RPH3A: variants seen among roughly 807,000 people sequenced by gnomAD.
RPH3A encodes rabphilin 3A, also known as rabphilin-3A.
RPH3A carries 48 observed loss-of-function variants against 102.2 expected under a neutral mutation model. The observed-to-expected ratio is 0.47, with a 90% CI of 0.37 to 0.60. The LOEUF is 0.60. RPH3A is among the 20% of genes least tolerant of loss of function. The probability of loss-of-function intolerance (pLI) is 0.00; values close to 1 mark genes in which losing one functional copy is unlikely to be tolerated. For missense variants in RPH3A, 781 were observed against 910.1 expected (o/e 0.86, Z 1.83); for synonymous variants, 310 against 324.3 (o/e 0.96, Z 0.47).
chr12:112,841,433 G>A (rs2042142510), intron 4 of RPH3A, among the ~76,000 whole-genome samples: 1 of 152,106 alleles, frequency 6.6e-6, no homozygotes, highest in Admixed American at 6.6e-5. Context: ...CCTGGAGTCG[G>A]CTTTGCTACT....
At chr12:112,663,948 A>C (rs2040067576) in intron 1 of RPH3A, among the ~76,000 whole-genome samples, 1 of 152,194 alleles carries the variant, frequency 6.6e-6, no homozygotes, top group Non-Finnish European at 1.5e-5. Context: ...GAAGGATGGC[A>C]GACTCTGATT....
intron 1 of RPH3A, among the ~76,000 whole-genome samples, chr12:112,785,983 T>C (rs1325277299): frequency 6.6e-6 from 1 of 151,728 alleles, no homozygotes; most frequent in African/African-American, 2.4e-5. Flanking sequence ...TGCTATTCAT[T>C]AGCTCAGTGA....
At chr12:112,636,899 G>T (rs556632868) in intron 1 of RPH3A, among the ~76,000 whole-genome samples, 10 of 152,114 alleles carry the variant, frequency 6.6e-5, no homozygotes, top group Non-Finnish European at 1.2e-4. Flanking sequence ...TCTGTATAGA[G>T]CTTACTGCCA....
At chr12:112,610,777 G>T (rs1028872356) in intron 1 of RPH3A, among the ~76,000 whole-genome samples, 18 of 151,908 alleles carry the variant, frequency 1.2e-4, no homozygotes, top group Non-Finnish European at 2.1e-4. Flanking sequence ...GACTACAGGC[G>T]CCTGCCGCCA....
intron 3 of RPH3A, among the ~76,000 whole-genome samples, chr12:112,831,253 A>G (rs2041965961): frequency 6.6e-6 from 1 of 151,250 alleles, no homozygotes; most frequent in Non-Finnish European, 1.5e-5. Flanking sequence ...CTTGTCTTTT[A>G]TTTTTATTAA....
rs144103946 is a variant in RPH3A at position 112,795,947 on chromosome 12, A to G, written c.-19+3684A>G. ...GACCAAAACAAAAGTAGGGTGAGGT[A>G]GAGGAAGGTGAGTTCTTTGGGCTAG... On this transcript the variant is annotated intron_variant, in intron 2 of 21. Coordinates refer to ENST00000389385, the MANE Select transcript of RPH3A (RefSeq NM_001143854.2). Among the ~76,000 whole-genome samples, 568 of 152,334 alleles carry G rather than the reference A, an allele frequency of 3.7e-3. 2 individuals carry two copies. The highest frequency in any genetic ancestry group is 0.011 in the African/African-American group (465 of 41,580).
intron 1 of RPH3A, among the ~76,000 whole-genome samples, chr12:112,690,810 A>G (rs1463627268): frequency 2.0e-5 from 3 of 152,186 alleles, no homozygotes; most frequent in African/African-American, 7.2e-5. Flanking sequence ...ATGGGATCAC[A>G]TTATGTTTAT....
At position 112,834,174 on chromosome 12, in the gene RPH3A, A is replaced by G. The variant is rs536156286; in HGVS notation, c.72-2317A>G. Reference sequence around the variant, plus strand: ...CATCCCTAAGTCATCACTATTTAGCAATAAATTTGTTTGCATTTTCTGGAA... The same window carrying G: ...CATCCCTAAGTCATCACTATTTAGCGATAAATTTGTTTGCATTTTCTGGAA... On this transcript the variant is annotated intron_variant, in intron 3 of 21. Transcript: ENST00000389385. Among the ~76,000 whole-genome samples the G allele has an allele frequency of 1.4e-4, 22 of 152,276 alleles. No homozygotes were observed. In the East Asian group the frequency reaches 3.5e-3, roughly 24 times the overall value.
chr12:112,603,281 C>T (rs1255357129), intron 1 of RPH3A, among the ~76,000 whole-genome samples: 3 of 152,114 alleles, frequency 2.0e-5, no homozygotes, highest in Non-Finnish European at 4.4e-5. Flanking sequence ...TCCTGAGTCC[C>T]ATTAGTAGCA....
intron 1 of RPH3A, among the ~76,000 whole-genome samples, chr12:112,612,567 T>C (rs1188401401): frequency 2.1e-5 from 3 of 144,132 alleles, no homozygotes; most frequent in Non-Finnish European, 4.6e-5. Context: ...GCCTTTTTTT[T>C]TTTTTTTTTT....
chr12:112,596,786 A>G (rs1236288288), intron 1 of RPH3A, among the ~76,000 whole-genome samples: 1 of 152,196 alleles, frequency 6.6e-6, no homozygotes, highest in Non-Finnish European at 1.5e-5. Flanking sequence ...ATTCTAGTGA[A>G]TCCGTAAACC....
chr12:112,578,840 T>TG (rs2039376773), intron 1 of RPH3A, among the ~76,000 whole-genome samples: 1 of 152,140 alleles, frequency 6.6e-6, no homozygotes, highest in African/African-American at 2.4e-5. Flanking sequence ...GCTCCATCTA[T>TG]AGGAGCAGCA....
chr12:112,728,890 T>C (rs1410923108), intron 1 of RPH3A, among the ~76,000 whole-genome samples: 1 of 152,186 alleles, frequency 6.6e-6, no homozygotes, highest in African/African-American at 2.4e-5. Context: ...GAAATATTCA[T>C]GTCTTTTCTG....
In RPH3A at chr12:112,658,174, TTTTA is replaced by T. The variant is rs1306912868; in HGVS notation, c.-140+82871_-140+82874del. On this transcript the variant is annotated intron_variant, in intron 1 of 21. Coordinates refer to the RPH3A transcript ENST00000543106. ...TCTTATTTTATATATGTATTTTTTATTTTATTTATTTATTTATTTTGAGATGGAA... is the reference window on the plus strand; with the variant it reads ...TCTTATTTTATATATGTATTTTTTATTTTATTTATTTATTTTGAGATGGAA... Among the ~76,000 whole-genome samples the T allele has an allele frequency of 1.5e-4, 23 of 152,120 alleles. No individual in the cohort carries two copies. The East Asian group carries it at 3.9e-3, about 26-fold the overall frequency.
intron 1 of RPH3A, among the ~76,000 whole-genome samples, chr12:112,677,461 CCTTCCT>C (rs1201463660): frequency 1.4e-4 from 20 of 138,056 alleles, no homozygotes; most frequent in Admixed American, 8.8e-4. Flanking sequence ...TTCCTTCCTT[CCTTCCT>C]TCCTTCCTTC....
At chr12:112,751,455 A>C (rs2040785445) in intron 1 of RPH3A, among the ~76,000 whole-genome samples, 1 of 152,240 alleles carries the variant, frequency 6.6e-6, no homozygotes, top group African/African-American at 2.4e-5. Flanking sequence ...GATAATAAAA[A>C]TACCAGCCTT....
chr12:112,772,735 T>A (rs1360595839), intron 1 of RPH3A, among the ~76,000 whole-genome samples: 4 of 151,930 alleles, frequency 2.6e-5, no homozygotes, highest in Admixed American at 1.3e-4. Context: ...ATTATTTAAT[T>A]TATATATATA....
At position 112,869,802 on chromosome 12, in the gene RPH3A, G is replaced by T; in HGVS notation, c.649+5G>T. On this transcript the variant is annotated splice_donor_5th_base_variant and intron_variant, in intron 9 of 21. Transcript: ENST00000389385. ...GGGGCCCGGGTCAGAAGACAGGTGG[G>T]TTCTGCTGACTCTGTTTTGTCATTT... The T allele has an allele frequency of 1.2e-6, 2 of 1,614,116 alleles. No individual in the cohort carries two copies. The highest frequency in any genetic ancestry group is 3.3e-4 in the Middle Eastern group (2 of 6,062).
At chr12:112,655,144 G>A (rs1281983189) in intron 1 of RPH3A, among the ~76,000 whole-genome samples, 2 of 152,200 alleles carry the variant, frequency 1.3e-5, no homozygotes, top group Admixed American at 6.5e-5. Flanking sequence ...AGAGCAAGAC[G>A]GTTATCCTGT....
Sources: gnomAD v4.1 joint callset for allele counts (sites outside exome capture counted in the v4.1 genomes callset) on GRCh38, gnomAD v4.1.1 for gene constraint, MANE v1.5 for transcripts, NCBI Gene and HGNC (gene_info 2026-07-23, HGNC 2026-07-21) for gene names.